TMTC2: variants seen among roughly 807,000 people sequenced by gnomAD.
TMTC2 encodes the protein transmembrane O-mannosyltransferase targeting cadherins 2.
A neutral mutation model predicts 82.4 loss-of-function variants in TMTC2; 43 were observed. The observed-to-expected ratio is 0.52, with a 90% confidence interval of 0.41 to 0.67. TMTC2 has a LOEUF of 0.67. Among genes scored for constraint, TMTC2 ranks in the 30% least tolerant of loss-of-function variants. TMTC2 has a pLI of 0.00. For missense variants in TMTC2, 919 were observed against 1,012.4 expected (o/e 0.91, Z 1.25); for synonymous variants, 408 against 381.9 (o/e 1.07, Z -0.80).
chr12:82,712,429 C>CAA lies in TMTC2; in HGVS notation c.83+24780_83+24781dup, dbSNP rs58906003. Among the ~76,000 whole-genome samples, 350 of 71,678 alleles carry CAA rather than the reference C, an allele frequency of 4.9e-3. 4 individuals are homozygous for CAA. The highest frequency in any genetic ancestry group is 0.016 in the African/African-American group (313 of 18,998). The allele number at this position is 71,678 out of a possible 152,430, so 47.0% of individuals were successfully genotyped here. Reference sequence around the variant, plus strand: ...TGGGCAGAAGAGTGAAACTCCGTCTCAAAAAAAAAAAAAAAAAAAAAGCCA... The same window carrying CAA: ...TGGGCAGAAGAGTGAAACTCCGTCTCAAAAAAAAAAAAAAAAAAAAAAAGCCA... On this transcript the variant is annotated intron_variant, in intron 1 of 11. Transcript: ENST00000321196.
At chr12:82,690,438 G>T (rs766699844) in intron 1 of TMTC2, 6 of 978,944 alleles carry the variant, frequency 6.1e-6, no homozygotes, top group Non-Finnish European at 7.3e-6. Flanking sequence ...ACTTCTCAAG[G>T]TTATCATTTC....
intron 4 of TMTC2, among the ~76,000 whole-genome samples, chr12:82,937,730 ATGTGTG>A (rs1479455766): frequency 3.8e-5 from 1 of 26,462 alleles, no homozygotes; most frequent in African/African-American, 7.7e-5. Context: ...GTGTGTGTGG[ATGTGTG>A]TGTGTGTGTG....
chr12:82,980,956 C>T (rs562790517), intron 7 of TMTC2, among the ~76,000 whole-genome samples: 1 of 151,912 alleles, frequency 6.6e-6, no homozygotes, highest in Non-Finnish European at 1.5e-5. Context: ...TCATTTGCAC[C>T]TACAAGCAAA....
intron 11 of TMTC2, among the ~76,000 whole-genome samples, chr12:83,114,260 T>TAA (rs140864860): frequency 1.0e-4 from 15 of 149,182 alleles, no homozygotes; most frequent in Admixed American, 3.3e-4. Context: ...AAATCCCTTG[T>TAA]AAAAAAAAAA....
intron 10 of TMTC2, among the ~76,000 whole-genome samples, chr12:83,060,365 T>G (rs1565873055): frequency 6.6e-6 from 1 of 151,814 alleles, no homozygotes; most frequent in Non-Finnish European, 1.5e-5. Context: ...TGTATTTGGC[T>G]TGACCAAAGT....
At chr12:83,117,923 T>C (rs1884819990) in intron 11 of TMTC2, among the ~76,000 whole-genome samples, 1 of 150,812 alleles carries the variant, frequency 6.6e-6, no homozygotes, top group Non-Finnish European at 1.5e-5. Context: ...TTTATTTATT[T>C]ATTTATTTTG....
intron 1 of TMTC2, among the ~76,000 whole-genome samples, chr12:82,850,292 T>C (rs559194416): frequency 4.6e-4 from 70 of 152,168 alleles, no homozygotes; most frequent in Non-Finnish European, 7.2e-4. Context: ...ACCATAGGTA[T>C]GGAAATGGAG....
At chr12:82,874,833 A>G (rs1267997911) in intron 2 of TMTC2, among the ~76,000 whole-genome samples, 7 of 152,136 alleles carry the variant, frequency 4.6e-5, no homozygotes, top group Non-Finnish European at 8.8e-5. Context: ...TTAGAACTTG[A>G]CTCTGATTCA....
intron 1 of TMTC2, among the ~76,000 whole-genome samples, chr12:82,849,905 A>T (rs1870883331): frequency 1.3e-5 from 2 of 152,106 alleles, no homozygotes; most frequent in South Asian, 4.1e-4. Flanking sequence ...ATTCTCAAGC[A>T]GCTCTAGGAT....
intron 2 of TMTC2, among the ~76,000 whole-genome samples, chr12:82,869,264 G>C (rs181231909): frequency 4.4e-4 from 67 of 152,092 alleles, no homozygotes; most frequent in African/African-American, 1.6e-3. Flanking sequence ...GCACAAAACT[G>C]GAAGCTACCG....
At chr12:83,130,864 G>T (rs1165665751) in intron 11 of TMTC2, among the ~76,000 whole-genome samples, 8 of 152,126 alleles carry the variant, frequency 5.3e-5, no homozygotes, top group Non-Finnish European at 8.8e-5. Context: ...GATATGTTAG[G>T]GGATTTCACC....
At chr12:82,939,409 G>A (rs1592642782) in intron 4 of TMTC2, among the ~76,000 whole-genome samples, 1 of 152,094 alleles carries the variant, frequency 6.6e-6, no homozygotes, top group East Asian at 1.9e-4. Flanking sequence ...TCTGTATTTT[G>A]TGTCTCTCTG....
Position 82,951,483 on chromosome 12 carries a change from T to C in TMTC2, c.1599-13541T>C, listed in dbSNP as rs562237115. Among the ~76,000 whole-genome samples the C allele has an allele frequency of 4.6e-5, 7 of 152,150 alleles. No individual in the cohort carries two copies. The East Asian group carries it at 1.2e-3, about 25-fold the overall frequency. Reference sequence around the variant, plus strand: ...TTTGTTGTTGTTGTTTTGTTTTCTTTTTTTGTTTTTGTGTTTTAGTAGAGA... The same window carrying C: ...TTTGTTGTTGTTGTTTTGTTTTCTTCTTTTGTTTTTGTGTTTTAGTAGAGA... On this transcript the variant is annotated intron_variant, in intron 4 of 11. Transcript: ENST00000321196.
chr12:82,919,879 G>T (rs1040822399), intron 3 of TMTC2, among the ~76,000 whole-genome samples: 1 of 152,102 alleles, frequency 6.6e-6, no homozygotes, highest in African/African-American at 2.4e-5. Flanking sequence ...CCACATTTCC[G>T]CTCTCTCAGA....
At chr12:82,732,038 A>G (rs962209146) in intron 1 of TMTC2, among the ~76,000 whole-genome samples, 3 of 152,104 alleles carry the variant, frequency 2.0e-5, no homozygotes, top group Non-Finnish European at 4.4e-5. Flanking sequence ...GAGTGATGGG[A>G]ATTTATTTGT....
chr12:83,014,938 G>T (rs992836532), intron 8 of TMTC2, among the ~76,000 whole-genome samples: 2 of 152,110 alleles, frequency 1.3e-5, no homozygotes, highest in Non-Finnish European at 2.9e-5. Flanking sequence ...TGAGAGGTAT[G>T]ATATTATCCC....
intron 11 of TMTC2, among the ~76,000 whole-genome samples, chr12:83,096,909 C>T (rs1451745338): frequency 3.9e-5 from 6 of 152,188 alleles, no homozygotes; most frequent in Admixed American, 6.5e-5. Context: ...TAGTTGCACC[C>T]TACACTTTGC....
rs180790139 is a variant in TMTC2, at chr12:82,929,223, T to G, written c.1484-1208T>G. Among the ~76,000 whole-genome samples, 577 of 152,136 alleles carry G rather than the reference T, an allele frequency of 3.8e-3. 6 individuals carry two copies. Among genetic ancestry groups the G allele is most frequent in the African/African-American group, 0.013 (551 of 41,500 alleles). ...GACATCTAACACGCCAAGCTAATTT[T>G]TGTATTTTTTTGTTGAGACGAGGTT... On this transcript the variant is annotated intron_variant, in intron 3 of 11. Transcript: ENST00000321196.
chr12:82,769,068 T>G lies in TMTC2; in HGVS notation c.83+81399T>G, dbSNP rs193043418. Among the ~76,000 whole-genome samples the G allele has an allele frequency of 3.3e-5, 5 of 151,032 alleles. No individual in the cohort carries two copies. In the East Asian group the frequency reaches 7.7e-4, roughly 23 times the overall value. Reference sequence around the variant, plus strand: ...AAAGAGCTTCAGGGGCTAAGCCATATGCCTAGCTCAAGCCCCAGCTCACAA... The same window carrying G: ...AAAGAGCTTCAGGGGCTAAGCCATAGGCCTAGCTCAAGCCCCAGCTCACAA... On this transcript the variant is annotated intron_variant, in intron 1 of 11. Transcript: ENST00000321196.
Sources: allele counts gnomAD v4.1 joint callset (sites outside exome capture counted in the v4.1 genomes callset), GRCh38; gene constraint gnomAD v4.1.1; transcripts MANE v1.5; gene names NCBI Gene and HGNC (gene_info 2026-07-23, HGNC 2026-07-21).